OPCML: variants seen among roughly 807,000 people sequenced by gnomAD.
OPCML encodes opioid binding protein/cell adhesion molecule like.
OPCML carries 13 observed loss-of-function variants against 37.8 expected under a neutral mutation model. The observed-to-expected ratio is 0.34, with a 90% CI of 0.22 to 0.55. OPCML has a LOEUF of 0.55. OPCML is among the 20% of genes least tolerant of loss of function. The pLI is 0.91. For synonymous variants in OPCML, 176 were observed against 168.8 expected (o/e 1.04, Z -0.33); for missense variants, 341 against 435.6 (o/e 0.78, Z 1.93).
chr11:133,381,107 C>T (rs529714313), intron 1 of OPCML, among the ~76,000 whole-genome samples: 2 of 152,186 alleles, frequency 1.3e-5, no homozygotes, highest in Non-Finnish European at 2.9e-5. Context: ...ACAGGCTCCG[C>T]ATGAAGAGCT....
At chr11:132,512,681 A>G (rs565410527) in intron 4 of OPCML, among the ~76,000 whole-genome samples, 9 of 151,900 alleles carry the variant, frequency 5.9e-5, no homozygotes, top group Non-Finnish European at 1.2e-4. Context: ...ACATGTTTTA[A>G]ATATATATTT....
intron 1 of OPCML, among the ~76,000 whole-genome samples, chr11:132,997,093 C>T (rs560333692): frequency 2.0e-5 from 3 of 152,278 alleles, no homozygotes; most frequent in Admixed American, 6.5e-5. Flanking sequence ...TACCCCTCTC[C>T]TCCTTGACCT....
chr11:132,739,399 T>C (rs1945366147), intron 2 of OPCML, among the ~76,000 whole-genome samples: 1 of 152,218 alleles, frequency 6.6e-6, no homozygotes. Flanking sequence ...GCAATGAACC[T>C]AAGTGGGTAG....
intron 4 of OPCML, among the ~76,000 whole-genome samples, chr11:132,497,125 G>A (rs1193087390): frequency 1.3e-5 from 2 of 152,072 alleles, no homozygotes; most frequent in African/African-American, 4.8e-5. Flanking sequence ...ATTATCCTCA[G>A]AAACGAACTC....
At chr11:133,314,728 C>G (rs1370486169) in intron 1 of OPCML, among the ~76,000 whole-genome samples, 4 of 152,188 alleles carry the variant, frequency 2.6e-5, no homozygotes, top group South Asian at 2.1e-4. Flanking sequence ...AACCATCAGG[C>G]ACGCCTGGCC....
intron 1 of OPCML, among the ~76,000 whole-genome samples, chr11:133,381,356 T>G (rs1165427352): frequency 6.6e-6 from 1 of 152,218 alleles, no homozygotes; most frequent in Non-Finnish European, 1.5e-5. Flanking sequence ...AGTATGTTTC[T>G]GTAGCACGGG....
intron 2 of OPCML, among the ~76,000 whole-genome samples, chr11:132,805,708 T>G (rs992416599): frequency 2.6e-5 from 4 of 152,174 alleles, no homozygotes; most frequent in Admixed American, 2.6e-4. Context: ...ATAAAGACCT[T>G]TTCTATAAAT....
chr11:133,148,937 C>A (rs1031441164), intron 1 of OPCML, among the ~76,000 whole-genome samples: 1 of 152,136 alleles, frequency 6.6e-6, no homozygotes, highest in Non-Finnish European at 1.5e-5. Flanking sequence ...CCTGATTAAC[C>A]AAGCAGGCTG....
chr11:133,421,052 T>C, intron 1 of OPCML: 1 of 984,462 alleles, frequency 1.0e-6, no homozygotes, highest in Non-Finnish European at 1.2e-6. Context: ...TGTCCTGAGA[T>C]CAATAATCAG....
intron 1 of OPCML, among the ~76,000 whole-genome samples, chr11:133,223,516 T>A (rs1939919794): frequency 6.6e-6 from 1 of 152,028 alleles, no homozygotes; most frequent in Non-Finnish European, 1.5e-5. Context: ...GGAGGAGGCA[T>A]AGTCGGGAAA....
chr11:132,945,123 A>G (rs1287178505), intron 1 of OPCML, among the ~76,000 whole-genome samples: 2 of 152,254 alleles, frequency 1.3e-5, no homozygotes, highest in Admixed American at 1.3e-4. Flanking sequence ...TAGAAGGGAG[A>G]ATACTTATCA....
At chr11:132,659,751 A>T (rs1941873357) in intron 2 of OPCML, among the ~76,000 whole-genome samples, 1 of 150,612 alleles carries the variant, frequency 6.6e-6, no homozygotes, top group Non-Finnish European at 1.5e-5. Context: ...GTAGAATTTA[A>T]ATATCACAGT....
chr11:132,602,306 A>G (rs748761956), intron 3 of OPCML, among the ~76,000 whole-genome samples: 1 of 152,204 alleles, frequency 6.6e-6, no homozygotes, highest in Non-Finnish European at 1.5e-5. Flanking sequence ...CTCACCTACA[A>G]GATGTGTTAT....
At chr11:133,283,971 G>C (rs1942230926) in intron 1 of OPCML, among the ~76,000 whole-genome samples, 1 of 152,046 alleles carries the variant, frequency 6.6e-6, no homozygotes, top group South Asian at 2.1e-4. Context: ...TAAAAGTCAA[G>C]CCCTAAAACA....
chr11:133,098,463 C>T (rs983351636), intron 1 of OPCML, among the ~76,000 whole-genome samples: 3 of 152,124 alleles, frequency 2.0e-5, no homozygotes, highest in South Asian at 2.1e-4. Flanking sequence ...GATCCGCTCG[C>T]CTCAGCCTCC....
At chr11:133,223,541 G>C (rs1366046966) in intron 1 of OPCML, among the ~76,000 whole-genome samples, 1 of 152,126 alleles carries the variant, frequency 6.6e-6, no homozygotes, top group African/African-American at 2.4e-5. Flanking sequence ...TGGGGACGGG[G>C]GTCAGAGGCA....
chr11:133,484,658 T>C (rs1487557667), intron 1 of OPCML, among the ~76,000 whole-genome samples: 1 of 152,186 alleles, frequency 6.6e-6, no homozygotes, highest in East Asian at 1.9e-4. Context: ...GGAAAATATT[T>C]AGACCAATTT....
chr11:132,888,583 T>C (rs748066748), intron 2 of OPCML, among the ~76,000 whole-genome samples: 2 of 152,202 alleles, frequency 1.3e-5, no homozygotes, highest in Admixed American at 6.5e-5. Context: ...GGTTATTTGC[T>C]TCGGAAAAAG....
rs1365261681 is a variant in OPCML at position 133,137,125 on chromosome 11, G to A, written c.62-194115C>T. Among the ~76,000 whole-genome samples the A allele has an allele frequency of 2.0e-5, 3 of 152,232 alleles. No individual in the cohort carries two copies. In the East Asian group the frequency reaches 5.8e-4, roughly 29 times the overall value. On this transcript the variant is annotated intron_variant, in intron 1 of 7. Coordinates refer to ENST00000524381, the MANE Select transcript of OPCML (RefSeq NM_001012393.5). ...ACAACAGGAAGCTCTGGGTACTTGT[G>A]GAAAGGTTCTGGGAAGTGGGGGGCA...
Sources: allele counts gnomAD v4.1 joint callset (sites outside exome capture counted in the v4.1 genomes callset), GRCh38; gene constraint gnomAD v4.1.1; transcripts MANE v1.5; gene names NCBI Gene and HGNC (gene_info 2026-07-23, HGNC 2026-07-21).